The following HESX1 variants were observed in gnomAD, a reference collection of about 807,000 sequenced individuals.
HESX1 encodes homeobox expressed in ES cells 1.
Under a neutral mutation model 22.5 loss-of-function variants are expected in HESX1, and 11 were observed. The ratio of observed to expected loss-of-function variants is 0.49; its 90% CI spans 0.31 to 0.81. The LOEUF is 0.81. Ranked by LOEUF, HESX1 falls within the 30% of genes least tolerant of loss-of-function variation. HESX1 has a pLI of 0.05. For synonymous variants in HESX1, 74 were observed against 76.5 expected, an observed-to-expected ratio of 0.97 and a Z score of 0.17; for missense variants, 201 against 212.6, an observed-to-expected ratio of 0.95 and a Z score of 0.34.
chr3:57,222,698 AC>A, intron 1 of HESX1, among the ~76,000 whole-genome samples: 1 of 152,298 alleles, frequency 6.6e-6, no homozygotes, highest in Admixed American at 6.5e-5. Context: ...AAAAAACAAA[AC>A]AAAAACTCCT....
intron 3 of HESX1, 22 bp downstream of exon 3, chr3:57,198,369 A>C (rs764058535): frequency 6.4e-7 from 1 of 1,556,848 alleles, no homozygotes; most frequent in Non-Finnish European, 8.9e-7. Context: ...CATCATGAAT[A>C]ACAACTAAAT....
chr3:57,198,277 G>A lies in HESX1; in HGVS notation c.478C>T (p.Arg160Cys), dbSNP rs28936702. The change falls in exon 4 of 4, where the codon CGT (arginine) becomes TGT (cysteine). Residue 160 changes from arginine to cysteine, a missense_variant. Arg to Cys is a radical substitution (Grantham distance 180, BLOSUM62 -3). Coordinates refer to ENST00000295934, the MANE Select transcript of HESX1 (RefSeq NM_003865.3). ...DRIQIWFQNRRAKLKRSHRES... is the reference protein window; with the variant it reads ...DRIQIWFQNRCAKLKRSHRES... ...CTATGGGACCTTTTCAGTTTTGCAC[G>A]CCGATTTTGAAACCAAATCTAAAGT... 1.7e-5 allele frequency: 27 copies of A among 1,612,454 alleles called. No homozygotes were observed. Among genetic ancestry groups the A allele is most frequent in the South Asian group, 3.3e-5 (3 of 90,962 alleles).
At chr3:57,198,514 A>G (rs369094466) in intron 2 of HESX1, 22 bp from the exon 3 acceptor site, 49 of 1,380,926 alleles carry the variant, frequency 3.5e-5, no homozygotes, top group Non-Finnish European at 4.8e-5. Flanking sequence ...AAATGTTGAT[A>G]TTCAGTATGT....
At chr3:57,218,106 T>C (rs1291968297) in intron 1 of HESX1, among the ~76,000 whole-genome samples, 8 of 152,220 alleles carry the variant, frequency 5.3e-5, no homozygotes, top group Admixed American at 5.2e-4. Context: ...GTATTTATTT[T>C]TTAATTTTCA....
chr3:57,199,115 C>T (rs561917093), intron 1 of HESX1, among the ~76,000 whole-genome samples, 163 bp from the exon 2 acceptor site: 1 of 152,278 alleles, frequency 6.6e-6, no homozygotes, highest in Non-Finnish European at 1.5e-5. Flanking sequence ...AATGAAGATC[C>T]TGTCTTGGTA....
At chr3:57,217,990 T>A (rs1386843549) in intron 1 of HESX1, among the ~76,000 whole-genome samples, 3 of 152,194 alleles carry the variant, frequency 2.0e-5, no homozygotes, top group Admixed American at 6.5e-5. Context: ...TGGGCCCCCA[T>A]GGCTTCTCCA....
intron 1 of HESX1, among the ~76,000 whole-genome samples, chr3:57,212,753 T>C (rs2060562711): frequency 6.6e-6 from 1 of 152,164 alleles, no homozygotes; most frequent in African/African-American, 2.4e-5. Context: ...TGCCTGTCTT[T>C]CAAAATACTT....
intron 1 of HESX1, among the ~76,000 whole-genome samples, chr3:57,214,323 C>T (rs958119754): frequency 2.6e-5 from 4 of 152,086 alleles, no homozygotes; most frequent in African/African-American, 9.7e-5. Flanking sequence ...CTTTAGTCTT[C>T]TAGGAACACC....
chr3:57,201,875 ATATCTATCTATC>A (rs759735344), upstream of HESX1, among the ~76,000 whole-genome samples: 1,069 of 131,922 alleles, frequency 8.1e-3, 6 homozygotes, highest in African/African-American at 0.017. Flanking sequence ...CTATCTATCT[ATATCTATCTATC>A]TATCTATCTA....
chr3:57,198,790 C>G lies in HESX1; in HGVS notation c.320G>C (p.Arg107Thr). ...LSLKRELSWY[R>T]GRRPRTAFTQ... ...AAAAGCAGTTCTTGGTCTTCGGCCT[C>G]TATACCAACTCAACTCTCTTTTCAA... The change falls in exon 2 of 4, where the codon AGA becomes ACA. Residue 107 changes from arginine (R) to threonine (T), a missense_variant. Transcript: ENST00000295934. The G allele has an allele frequency of 6.2e-7, 1 of 1,614,140 alleles. No individual in the cohort carries two copies. Among genetic ancestry groups the G allele is most frequent in the Non-Finnish European group, 8.5e-7 (1 of 1,180,036 alleles).
At chr3:57,201,560 G>C (rs749283264), upstream of HESX1, among the ~76,000 whole-genome samples, 16 of 150,532 alleles carry the variant, frequency 1.1e-4, no homozygotes, top group Non-Finnish European at 1.5e-4. Context: ...GGTGCAGGGT[G>C]GGGGGCAGGA....
rs185620662 is a variant in HESX1 at position 57,217,137 on chromosome 3, G to A, written c.-111+9159C>T. Among the ~76,000 whole-genome samples, 95 of 152,180 alleles carry A rather than the reference G, an allele frequency of 6.2e-4. 1 individual carries two copies. Among genetic ancestry groups the A allele is most frequent in the African/African-American group, 2.3e-3 (95 of 41,518 alleles). On this transcript the variant is annotated intron_variant, in intron 1 of 2. Transcript: ENST00000495160. ...GCCATTCCTCCAAGGAGCCCTCCAA[G>A]CTTCTTTTTAGTGGAGAATGGTGTT...
At chr3:57,201,885 A>T (rs970034768), upstream of HESX1, among the ~76,000 whole-genome samples, 1 of 145,278 alleles carries the variant, frequency 6.9e-6, no homozygotes, top group Non-Finnish European at 1.5e-5. Flanking sequence ...ATATCTATCT[A>T]TCTATCTATC....
In HESX1 at chr3:57,199,964, C is replaced by T. The variant is rs1267939859; in HGVS notation, c.-46G>A. ...GCAACAGCTCTGGCCTCTGCTGGCT[C>T]TGCCCCACGTGTATAGGGCTGGGAT... On this transcript the variant is annotated 5_prime_UTR_variant, in exon 1 of 4. Coordinates refer to ENST00000295934, the MANE Select transcript of HESX1 (RefSeq NM_003865.3). 2 of 1,585,286 alleles carry T rather than the reference C, an allele frequency of 1.3e-6. No individual in the cohort carries two copies. The highest frequency in any genetic ancestry group is 1.7e-6 in the Non-Finnish European group (2 of 1,154,886).
intron 1 of HESX1, among the ~76,000 whole-genome samples, chr3:57,224,413 C>G (rs892419352): frequency 6.6e-6 from 1 of 152,098 alleles, no homozygotes; most frequent in Admixed American, 6.6e-5. Flanking sequence ...GCTAGGATTA[C>G]AAGCATGAGC....
intron 1 of HESX1, among the ~76,000 whole-genome samples, chr3:57,220,923 T>A (rs1015462334): frequency 6.6e-6 from 1 of 152,168 alleles, no homozygotes; most frequent in African/African-American, 2.4e-5. Flanking sequence ...CCTGGCTTGC[T>A]CTTCTCCTGT....
upstream of HESX1, among the ~76,000 whole-genome samples, chr3:57,202,762 T>C (rs2060497461): frequency 6.6e-6 from 1 of 151,924 alleles, no homozygotes; most frequent in Non-Finnish European, 1.5e-5. Context: ...GTGAACAAGG[T>C]GATGGAGATG....
At chr3:57,202,004 C>A (rs192919188), upstream of HESX1, among the ~76,000 whole-genome samples, 11 of 151,198 alleles carry the variant, frequency 7.3e-5, no homozygotes, top group South Asian at 2.3e-3. Flanking sequence ...CGGCAAGCTC[C>A]GCCTCCCGGG....
At chr3:57,219,932 G>A (rs538271631) in intron 1 of HESX1, among the ~76,000 whole-genome samples, 106 of 152,232 alleles carry the variant, frequency 7.0e-4, no homozygotes, top group African/African-American at 2.5e-3. Context: ...TGTCCACAAC[G>A]GTATTGCCTA....
Sources: allele counts gnomAD v4.1 joint callset (sites outside exome capture counted in the v4.1 genomes callset), GRCh38; gene constraint gnomAD v4.1.1; transcripts MANE v1.5; gene names NCBI Gene and HGNC (gene_info 2026-07-23, HGNC 2026-07-21).